Variants in LINGO2 observed in about 807,000 individuals in gnomAD.
The protein encoded by LINGO2 is leucine rich repeat and Ig domain containing 2.
In LINGO2, 14 loss-of-function variants were observed where a neutral mutation model predicts 30.6. The ratio of observed to expected loss-of-function variants is 0.46; its 90% CI spans 0.30 to 0.72. The LOEUF is 0.72. Among genes scored for constraint, LINGO2 ranks in the 30% least tolerant of loss-of-function variants. The pLI is 0.07. For synonymous variants in LINGO2, 317 were observed against 288.5 expected (o/e 1.10, Z -1.00); for missense variants, 729 against 751.7 (o/e 0.97, Z 0.35).
intron 2 of LINGO2, among the ~76,000 whole-genome samples, chr9:28,439,147 T>C (rs1824084662): frequency 6.7e-6 from 1 of 148,778 alleles, no homozygotes; most frequent in Non-Finnish European, 1.5e-5. Context: ...TGTAATGAAA[T>C]ACAGATAATA....
intron 4 of LINGO2, among the ~76,000 whole-genome samples, chr9:28,013,813 C>T (rs1822680586): frequency 6.6e-6 from 1 of 152,112 alleles, no homozygotes; most frequent in African/African-American, 2.4e-5. Flanking sequence ...TACCTTTATC[C>T]TCTTAGCACA....
chr9:28,678,073 C>G, the LINGO2 span, among the ~76,000 whole-genome samples: 1 of 150,134 alleles, frequency 6.7e-6, no homozygotes, highest in African/African-American at 2.5e-5. Context: ...TACCTTCCAA[C>G]GAAAATTATC....
intron 1 of LINGO2, among the ~76,000 whole-genome samples, chr9:28,556,839 A>C (rs1356858092): frequency 6.6e-6 from 1 of 151,956 alleles, no homozygotes; most frequent in East Asian, 1.9e-4. Flanking sequence ...CAGAAATAAC[A>C]CTGCATATCT....
the LINGO2 span, among the ~76,000 whole-genome samples, chr9:29,010,749 A>T: frequency 6.6e-6 from 1 of 152,066 alleles, no homozygotes; most frequent in East Asian, 1.9e-4. Flanking sequence ...TTGAAAACAG[A>T]TACTACCTCA....
the LINGO2 span, among the ~76,000 whole-genome samples, chr9:29,202,006 T>C: frequency 2.0e-5 from 3 of 152,044 alleles, no homozygotes; most frequent in Non-Finnish European, 4.4e-5. Context: ...AGTATTACTA[T>C]GGTTTTGGAT....
At chr9:28,201,685 A>G (rs1236390989) in intron 4 of LINGO2, among the ~76,000 whole-genome samples, 3 of 151,944 alleles carry the variant, frequency 2.0e-5, no homozygotes, top group Non-Finnish European at 4.4e-5. Flanking sequence ...ACCAGTTTAC[A>G]GTCCCACCAA....
At chr9:28,072,370 CTT>C (rs1040265781) in intron 4 of LINGO2, among the ~76,000 whole-genome samples, 3 of 152,208 alleles carry the variant, frequency 2.0e-5, no homozygotes, top group Non-Finnish European at 4.4e-5. Flanking sequence ...AGAGTTTGCT[CTT>C]GTTTGTCTCA....
At chr9:28,884,736 A>G in the LINGO2 span, among the ~76,000 whole-genome samples, 1 of 134,004 alleles carries the variant, frequency 7.5e-6, no homozygotes, top group African/African-American at 2.8e-5. Flanking sequence ...ATAAATTTGT[A>G]AAACTATACA....
intron 4 of LINGO2, among the ~76,000 whole-genome samples, chr9:28,061,324 G>A (rs1043157902): frequency 1.3e-5 from 2 of 151,160 alleles, no homozygotes; most frequent in Non-Finnish European, 2.9e-5. Flanking sequence ...ATGAGTACAC[G>A]AAAAGCCCAG....
chr9:29,195,573 T>A, the LINGO2 span, among the ~76,000 whole-genome samples: 1 of 152,140 alleles, frequency 6.6e-6, no homozygotes, highest in Non-Finnish European at 1.5e-5. Context: ...AACAGTGTAT[T>A]ATGTTTCCCT....
chr9:28,996,862 A>T, the LINGO2 span, among the ~76,000 whole-genome samples: 1 of 152,204 alleles, frequency 6.6e-6, no homozygotes, highest in Admixed American at 6.5e-5. Context: ...GTCAAAATCA[A>T]ATATTTTATG....
At chr9:29,089,024 A>G in the LINGO2 span, among the ~76,000 whole-genome samples, 2 of 152,078 alleles carry the variant, frequency 1.3e-5, no homozygotes, top group Non-Finnish European at 2.9e-5. Context: ...TAGACAATCA[A>G]CATATTTATT....
chr9:28,318,979 C>G (rs552974309), intron 3 of LINGO2, among the ~76,000 whole-genome samples: 1 of 152,240 alleles, frequency 6.6e-6, no homozygotes, highest in South Asian at 2.1e-4. Flanking sequence ...TAGTAAGTGG[C>G]AGAAGGAGCC....
intron 3 of LINGO2, among the ~76,000 whole-genome samples, chr9:28,366,601 A>T (rs1352537966): frequency 6.6e-6 from 1 of 152,178 alleles, no homozygotes; most frequent in Non-Finnish European, 1.5e-5. Context: ...ATATTAAGGT[A>T]GGATCATTCA....
At chr9:29,079,396 G>A in the LINGO2 span, among the ~76,000 whole-genome samples, 43 of 151,956 alleles carry the variant, frequency 2.8e-4, no homozygotes, top group African/African-American at 9.9e-4. Flanking sequence ...CTGCTAAAAG[G>A]CATATAGCTT....
intron 4 of LINGO2, among the ~76,000 whole-genome samples, chr9:28,030,336 A>G (rs1319876405): frequency 6.6e-6 from 1 of 152,196 alleles, no homozygotes; most frequent in Non-Finnish European, 1.5e-5. Context: ...ATATTTTATC[A>G]CAATGTAGTT....
At chr9:29,114,062 G>A in the LINGO2 span, among the ~76,000 whole-genome samples, 1 of 151,810 alleles carries the variant, frequency 6.6e-6, no homozygotes, top group African/African-American at 2.4e-5. Flanking sequence ...GAGTTTCTAG[G>A]GGAAATCATT....
At chr9:28,775,507 C>G in the LINGO2 span, among the ~76,000 whole-genome samples, 3 of 152,104 alleles carry the variant, frequency 2.0e-5, no homozygotes, top group Non-Finnish European at 4.4e-5. Context: ...TCACATAGTT[C>G]CCTGGTCAAT....
At position 28,277,777 on chromosome 9, in the gene LINGO2, C is replaced by T. The variant is rs555776666; in HGVS notation, c.-87+17431G>A. Among the ~76,000 whole-genome samples, 150 of 150,218 alleles carry T rather than the reference C, an allele frequency of 1.0e-3. 2 individuals are homozygous for T. Among genetic ancestry groups the T allele is most frequent in the Admixed American group, 8.4e-3 (127 of 15,042 alleles). ...TTTGTAGTTAGCCTAGATGGTGCCA[C>T]GCACTCCAGCCTGGGCAATAAGAGT... On this transcript the variant is annotated intron_variant, in intron 4 of 5. Transcript: ENST00000379992.
Sources: gnomAD v4.1 joint callset for allele counts (sites outside exome capture counted in the v4.1 genomes callset) on GRCh38, gnomAD v4.1.1 for gene constraint, MANE v1.5 for transcripts, NCBI Gene and HGNC (gene_info 2026-07-23, HGNC 2026-07-21) for gene names.